The following SEM1 variants were observed in gnomAD, a reference collection of about 807,000 sequenced individuals.
SEM1 encodes the protein SEM1 26S proteasome subunit, also known as 26S proteasome complex subunit SEM1.
Under a neutral mutation model 12.7 loss-of-function variants are expected in SEM1, and 3 were observed. That is an observed-to-expected ratio of 0.24 (90% CI 0.11 to 0.61). SEM1 has a LOEUF of 0.61. Ranked by LOEUF, SEM1 falls within the 20% of genes least tolerant of loss-of-function variation. The probability of loss-of-function intolerance (pLI) is 0.88; values close to 1 mark genes in which losing one functional copy is unlikely to be tolerated. For missense variants in SEM1, 59 were observed against 81.3 expected, an observed-to-expected ratio of 0.73 and a Z score of 1.06; for synonymous variants, 30 against 27.8, an observed-to-expected ratio of 1.08 and a Z score of -0.25.
chr7:96,545,045 A>T (rs1046664100), intron 2 of SEM1, among the ~76,000 whole-genome samples: 64 of 151,980 alleles, frequency 4.2e-4, no homozygotes, highest in African/African-American at 1.4e-3. Flanking sequence ...ACTTCTTCAT[A>T]ACTTACCATT....
intron 2 of SEM1, among the ~76,000 whole-genome samples, chr7:96,572,522 G>A (rs1309627999): frequency 3.3e-5 from 5 of 152,080 alleles, no homozygotes; most frequent in Non-Finnish European, 7.4e-5. Flanking sequence ...ATTTATTTCT[G>A]CCTTCATTTC....
intron 2 of SEM1, among the ~76,000 whole-genome samples, chr7:96,661,983 C>T (rs1189429720): frequency 3.9e-5 from 5 of 126,896 alleles, no homozygotes; most frequent in African/African-American, 1.7e-4. Context: ...AGCAAAACTC[C>T]GTCTCAAAAA....
intron 2 of SEM1, among the ~76,000 whole-genome samples, chr7:96,691,239 T>G (rs913885049): frequency 2.6e-5 from 4 of 152,140 alleles, no homozygotes; most frequent in Admixed American, 1.3e-4. Flanking sequence ...CTACTTCTGT[T>G]AAAGGTAATT....
chr7:96,619,861 C>T (rs769840331), downstream of SEM1, among the ~76,000 whole-genome samples: 2 of 152,068 alleles, frequency 1.3e-5, no homozygotes, highest in African/African-American at 2.4e-5. Context: ...GGTGCAGCCA[C>T]GTCAACTCGA....
chr7:96,525,059 T>C (rs1804407345), intron 2 of SEM1, among the ~76,000 whole-genome samples: 2 of 152,098 alleles, frequency 1.3e-5, no homozygotes, highest in South Asian at 4.1e-4. Flanking sequence ...GGTGGCTGAT[T>C]CTTCTCCAGC....
intron 2 of SEM1, among the ~76,000 whole-genome samples, chr7:96,574,353 G>C (rs1352191124): frequency 2.6e-5 from 4 of 151,982 alleles, no homozygotes; most frequent in East Asian, 3.9e-4. Context: ...CATCTGGGTT[G>C]GTTCCAAGAC....
chr7:96,584,264 A>C (rs1048444976), intron 2 of SEM1, among the ~76,000 whole-genome samples: 6 of 152,132 alleles, frequency 3.9e-5, no homozygotes, highest in Non-Finnish European at 8.8e-5. Context: ...TGGGTTGAAA[A>C]TTCTTTTCTT....
chr7:96,678,622 G>T (rs986892960), intron 2 of SEM1, among the ~76,000 whole-genome samples: 2 of 152,046 alleles, frequency 1.3e-5, no homozygotes, highest in South Asian at 2.1e-4. Context: ...AACAAAAGAG[G>T]GTTGCCTAGA....
At chr7:96,580,343 C>A (rs904060371) in intron 2 of SEM1, among the ~76,000 whole-genome samples, 4 of 148,594 alleles carry the variant, frequency 2.7e-5, no homozygotes, top group Non-Finnish European at 6.0e-5. Flanking sequence ...TGTATATGTG[C>A]CACATTTTCT....
At chr7:96,496,302 C>T (rs1379381471) in exon 1 of SEM1, 1 of 1,519,218 alleles carries the variant, frequency 6.6e-7, no homozygotes. Context: ...ACATGTTCTT[C>T]CTTCAGAGCT....
At chr7:96,621,530 G>C (rs542123188), downstream of SEM1, 9 of 152,272 alleles carry the variant, frequency 5.9e-5, no homozygotes, top group East Asian at 1.5e-3. Context: ...GTGTGTTCAG[G>C]CTGCTTGTGT....
chr7:96,622,688 C>G (rs368343555), intron 2 of SEM1: 4 of 754,538 alleles, frequency 5.3e-6, no homozygotes, highest in Non-Finnish European at 7.3e-6. Context: ...TTTCAAACAC[C>G]TATTAGCCTC....
At chr7:96,589,826 C>G (rs1044339272) in intron 2 of SEM1, among the ~76,000 whole-genome samples, 7 of 152,148 alleles carry the variant, frequency 4.6e-5, no homozygotes, top group Non-Finnish European at 1.0e-4. Flanking sequence ...AATTAGACTA[C>G]TATTTCTCCA....
intron 2 of SEM1, chr7:96,645,823 C>A: frequency 2.5e-6 from 1 of 398,374 alleles, no homozygotes. Context: ...AGGGGTGATG[C>A]TTCTGTAGTT....
intron 2 of SEM1, among the ~76,000 whole-genome samples, chr7:96,561,846 T>G (rs1048756102): frequency 2.0e-5 from 3 of 152,218 alleles, no homozygotes; most frequent in Admixed American, 2.0e-4. Context: ...CAAGTTACTT[T>G]TTTGTCCTTA....
chr7:96,632,270 C>T, intron 2 of SEM1, among the ~76,000 whole-genome samples: 1 of 152,034 alleles, frequency 6.6e-6, no homozygotes, highest in East Asian at 1.9e-4. Flanking sequence ...TTTATTGTGG[C>T]ACTGGTCACA....
intron 2 of SEM1, among the ~76,000 whole-genome samples, chr7:96,647,209 G>A (rs67658953): frequency 0.16 from 23,679 of 152,064 alleles, 3,397 homozygotes; most frequent in African/African-American, 0.39. Flanking sequence ...CTCTCTTTAC[G>A]TGAGAGATGG....
intron 3 of SEM1, among the ~76,000 whole-genome samples, chr7:96,506,068 G>A (rs751358973): frequency 3.9e-5 from 6 of 152,062 alleles, no homozygotes; most frequent in Non-Finnish European, 8.8e-5. Context: ...CTGAATTGAC[G>A]CACTACTTAA....
At chr7:96,579,777 T>C (rs1348769828) in intron 2 of SEM1, among the ~76,000 whole-genome samples, 1 of 152,152 alleles carries the variant, frequency 6.6e-6, no homozygotes, top group East Asian at 1.9e-4. Context: ...AAATTAGAAC[T>C]ATATACACCC....
Sources: gnomAD v4.1 joint callset for allele counts (sites outside exome capture counted in the v4.1 genomes callset) on GRCh38, gnomAD v4.1.1 for gene constraint, MANE v1.5 for transcripts, NCBI Gene and HGNC (gene_info 2026-07-23, HGNC 2026-07-21) for gene names.